PDXDC1: variants seen among roughly 807,000 people sequenced by gnomAD.
The protein encoded by PDXDC1 is pyridoxal dependent decarboxylase domain containing 1, also known as pyridoxal-dependent decarboxylase domain-containing protein 1.
A neutral mutation model predicts 100.1 loss-of-function variants in PDXDC1; 42 were observed. That is an observed-to-expected ratio of 0.42 (90% CI 0.33 to 0.54). PDXDC1 has a LOEUF of 0.54. PDXDC1 is among the 20% of genes least tolerant of loss of function. The probability of loss-of-function intolerance (pLI) is 0.10; values close to 1 mark genes in which losing one functional copy is unlikely to be tolerated. For missense variants in PDXDC1, 636 were observed against 979.2 expected (o/e 0.65, Z 4.68); for synonymous variants, 260 against 371.7 (o/e 0.70, Z 3.46).
intron 1 of PDXDC1, among the ~76,000 whole-genome samples, chr16:14,985,366 C>A (rs1186411778): frequency 6.8e-6 from 1 of 147,866 alleles, no homozygotes; most frequent in Non-Finnish European, 1.5e-5. Flanking sequence ...CGGCTTACTG[C>A]AAGCTCCGCC....
intron 17 of PDXDC1, 113 bp downstream of exon 17, chr16:15,032,019 C>T: frequency 1.0e-6 from 1 of 956,230 alleles, no homozygotes; most frequent in Admixed American, 2.5e-5. Context: ...TCACAATATG[C>T]TTAACGAAAA....
intron 16 of PDXDC1, chr16:15,128,170 G>T (rs758874082): frequency 1.9e-6 from 3 of 1,609,794 alleles, no homozygotes; most frequent in Non-Finnish European, 2.5e-6. Flanking sequence ...AGGCTCGCAG[G>T]GCGCCCCAAC....
chr16:14,985,582 G>A (rs1318355281), intron 1 of PDXDC1, among the ~76,000 whole-genome samples: 1 of 152,282 alleles, frequency 6.6e-6, no homozygotes, highest in African/African-American at 2.4e-5. Flanking sequence ...ACCGCGCCTG[G>A]CCTTGCCAAT....
At chr16:15,082,167 T>C (rs2045734235) in intron 16 of PDXDC1, among the ~76,000 whole-genome samples, 1 of 152,200 alleles carries the variant, frequency 6.6e-6, no homozygotes, top group South Asian at 2.1e-4. Context: ...TTCTTTGTCT[T>C]AGGAAAAAAC....
chr16:15,127,482 C>T, intron 16 of PDXDC1: 1 of 1,568,426 alleles, frequency 6.4e-7, no homozygotes, highest in Non-Finnish European at 8.6e-7. Flanking sequence ...TGCTCCGGGA[C>T]ATCCAGAAGA....
chr16:15,029,639 G>A (rs2042904090), intron 15 of PDXDC1: 2 of 506,720 alleles, frequency 3.9e-6, no homozygotes, highest in East Asian at 7.7e-5. Flanking sequence ...CCCGCCACTA[G>A]GAGAAAAGAC....
intron 3 of PDXDC1, among the ~76,000 whole-genome samples, 175 bp from the exon 4 acceptor site, chr16:15,001,601 A>G (rs1333026416): frequency 3.3e-5 from 5 of 152,296 alleles, no homozygotes. Context: ...TCAGTTTATA[A>G]TTTGAGCTTT....
chr16:15,061,603 C>T (rs560471097), intron 16 of PDXDC1: 62 of 661,188 alleles, frequency 9.4e-5, no homozygotes, highest in African/African-American at 6.8e-4. Flanking sequence ...TTGATTCAGT[C>T]GAACCTGGAA....
chr16:15,028,467 A>G (rs373808949), intron 14 of PDXDC1, among the ~76,000 whole-genome samples: 1 of 152,294 alleles, frequency 6.6e-6, no homozygotes, highest in East Asian at 1.9e-4. Context: ...CTCCAAGATG[A>G]CAGAAACCTT....
intron 11 of PDXDC1, among the ~76,000 whole-genome samples, chr16:15,017,849 T>G (rs1161231226): frequency 1.9e-4 from 29 of 151,934 alleles, no homozygotes; most frequent in African/African-American, 5.3e-4. Flanking sequence ...TGGAGTGCAA[T>G]GGTGAGATGA....
intron 16 of PDXDC1, chr16:15,076,342 T>G: frequency 1.7e-6 from 1 of 602,748 alleles, no homozygotes; most frequent in Non-Finnish European, 3.0e-6. Flanking sequence ...AAGTGAAACA[T>G]ACTTCACCAA....
chr16:15,149,986 G>A, the PDXDC1 span, among the ~76,000 whole-genome samples: 4 of 152,200 alleles, frequency 2.6e-5, no homozygotes, highest in South Asian at 8.3e-4. Flanking sequence ...AATCCAGGCT[G>A]CAGGAGCCAG....
In PDXDC1 at chr16:15,073,100, T is replaced by A. The variant is rs767380006; in HGVS notation, c.1399+43044T>A. 7 of 1,602,058 alleles carry A rather than the reference T, an allele frequency of 4.4e-6. No individual in the cohort carries two copies. In the Admixed American group the frequency reaches 1.3e-4, roughly 29 times the overall value. On this transcript the variant is annotated intron_variant, in intron 16 of 16. Coordinates refer to the PDXDC1 transcript ENST00000535621. ...CCTTACCTATGGAGAAAATCTGGCATCTCAGTTTTTATAAAGACATATTTT... is the reference window on the plus strand; with the variant it reads ...CCTTACCTATGGAGAAAATCTGGCAACTCAGTTTTTATAAAGACATATTTT...
intron 1 of PDXDC1, among the ~76,000 whole-genome samples, chr16:14,994,408 A>G (rs894407693): frequency 6.6e-6 from 1 of 152,298 alleles, no homozygotes; most frequent in African/African-American, 2.4e-5. Flanking sequence ...TCCTTTCCCC[A>G]TTTCTTGTTT....
At chr16:14,986,594 G>A (rs868320052) in intron 1 of PDXDC1, among the ~76,000 whole-genome samples, 957 of 152,128 alleles carry the variant, frequency 6.3e-3, no homozygotes, top group African/African-American at 0.022. Flanking sequence ...TTGAACCCAC[G>A]TCATTTATAC....
chr16:15,130,498 G>C (rs766656907), intron 16 of PDXDC1: 12 of 1,371,330 alleles, frequency 8.8e-6, no homozygotes, highest in East Asian at 2.3e-5. Flanking sequence ...GGCTCCGCCA[G>C]GTTGGATATC....
intron 8 of PDXDC1, among the ~76,000 whole-genome samples, chr16:15,014,449 A>G (rs1193587444): frequency 6.6e-6 from 1 of 152,288 alleles, no homozygotes; most frequent in African/African-American, 2.4e-5. Flanking sequence ...AAATACGAAA[A>G]GAGAATCTGC....
intron 16 of PDXDC1, chr16:15,085,655 A>G (rs1308744696): frequency 6.2e-7 from 1 of 1,613,512 alleles, no homozygotes; most frequent in Non-Finnish European, 8.5e-7. Context: ...CTTCATCATC[A>G]GAATCTGAAA....
At chr16:15,140,152 G>T (rs1319863652), downstream of PDXDC1, among the ~76,000 whole-genome samples, 1 of 144,380 alleles carries the variant, frequency 6.9e-6, no homozygotes, top group Non-Finnish European at 1.5e-5. Context: ...AAGAAAAGGA[G>T]AAGGGGAAAG....
Sources: allele counts gnomAD v4.1 joint callset (sites outside exome capture counted in the v4.1 genomes callset), GRCh38; gene constraint gnomAD v4.1.1; transcripts MANE v1.5; gene names NCBI Gene and HGNC (gene_info 2026-07-23, HGNC 2026-07-21).